The following NRG3 variants were observed in gnomAD, a reference collection of about 807,000 sequenced individuals.
NRG3 encodes the protein pro-neuregulin-3, membrane-bound isoform.
A neutral mutation model predicts 66.9 loss-of-function variants in NRG3; 31 were observed. The observed-to-expected ratio is 0.46, with a 90% CI of 0.35 to 0.63. NRG3 has a LOEUF of 0.63. NRG3 is among the 20% of genes least tolerant of loss of function. NRG3 has a pLI of 0.00. For missense variants in NRG3, 910 were observed against 878.9 expected, an observed-to-expected ratio of 1.04 and a Z score of -0.45; for synonymous variants, 393 against 359.4, an observed-to-expected ratio of 1.09 and a Z score of -1.06.
intron 1 of NRG3, among the ~76,000 whole-genome samples, chr10:82,180,310 G>T (rs2073327467): frequency 6.6e-6 from 1 of 151,778 alleles, no homozygotes; most frequent in African/African-American, 2.4e-5. Context: ...TGACATCCTT[G>T]CCTCGTTCCT....
At chr10:81,997,267 C>T (rs75355847) in intron 1 of NRG3, among the ~76,000 whole-genome samples, 1 of 152,180 alleles carries the variant, frequency 6.6e-6, no homozygotes, top group Non-Finnish European at 1.5e-5. Flanking sequence ...GTGCTTTGGC[C>T]TCCAGCTAAG....
chr10:81,927,011 C>T (rs1297193312), intron 1 of NRG3, among the ~76,000 whole-genome samples: 1 of 152,156 alleles, frequency 6.6e-6, no homozygotes, highest in Admixed American at 6.5e-5. Context: ...AATGTAATGA[C>T]TTAAAAATAA....
At chr10:82,628,627 G>A (rs763995153) in intron 2 of NRG3, among the ~76,000 whole-genome samples, 6 of 151,840 alleles carry the variant, frequency 4.0e-5, no homozygotes, top group Non-Finnish European at 7.4e-5. Flanking sequence ...AAAAAAAAAA[G>A]CGGTTCCACA....
chr10:82,908,971 G>A (rs1048301213), intron 4 of NRG3, among the ~76,000 whole-genome samples: 9 of 152,090 alleles, frequency 5.9e-5, no homozygotes, highest in African/African-American at 2.2e-4. Context: ...GAGGTAGTGT[G>A]GTGAGTAGAC....
intron 4 of NRG3, among the ~76,000 whole-genome samples, chr10:82,914,491 G>GTTTA (rs1845643312): frequency 1.3e-5 from 2 of 152,052 alleles, no homozygotes; most frequent in Non-Finnish European, 2.9e-5. Context: ...TGTAGTTACA[G>GTTTA]GTGTCAGAGG....
chr10:82,071,490 C>T (rs548719813), intron 1 of NRG3, among the ~76,000 whole-genome samples: 4 of 152,108 alleles, frequency 2.6e-5, no homozygotes, highest in African/African-American at 4.8e-5. Context: ...AGAGGAAGGG[C>T]GCAATGGAAG....
chr10:82,936,986 TA>T (rs1848134357), intron 4 of NRG3, among the ~76,000 whole-genome samples: 1 of 152,192 alleles, frequency 6.6e-6, no homozygotes, highest in Non-Finnish European at 1.5e-5. Context: ...CTGATATTTA[TA>T]AAAGAGATTA....
intron 4 of NRG3, among the ~76,000 whole-genome samples, chr10:82,910,194 T>A (rs1309620627): frequency 6.6e-6 from 1 of 152,228 alleles, no homozygotes; most frequent in Non-Finnish European, 1.5e-5. Context: ...TAAAGACTTG[T>A]GATAAATCAT....
chr10:82,637,875 C>T (rs375947648), intron 2 of NRG3, among the ~76,000 whole-genome samples: 9 of 151,558 alleles, frequency 5.9e-5, no homozygotes, highest in Non-Finnish European at 1.2e-4. Flanking sequence ...GATAGCAATG[C>T]GGTAAAGTTA....
At chr10:82,227,576 A>G (rs1170007479) in intron 1 of NRG3, among the ~76,000 whole-genome samples, 2 of 152,160 alleles carry the variant, frequency 1.3e-5, no homozygotes, top group African/African-American at 4.8e-5. Flanking sequence ...TGATGATTCC[A>G]TCTGAATATT....
chr10:82,204,505 G>C (rs367832950), intron 1 of NRG3, among the ~76,000 whole-genome samples: 2 of 152,192 alleles, frequency 1.3e-5, no homozygotes, highest in South Asian at 4.1e-4. Context: ...TATTTCTGCA[G>C]TGTTTCCTTT....
At chr10:82,473,318 A>T (rs1201812619) in intron 2 of NRG3, among the ~76,000 whole-genome samples, 1 of 152,200 alleles carries the variant, frequency 6.6e-6, no homozygotes, top group Non-Finnish European at 1.5e-5. Context: ...TAAAGTAAGG[A>T]AGAAATAAAT....
At chr10:82,564,636 C>G (rs1324337705) in intron 2 of NRG3, among the ~76,000 whole-genome samples, 2 of 152,094 alleles carry the variant, frequency 1.3e-5, no homozygotes, top group African/African-American at 4.8e-5. Context: ...CTCTAACACT[C>G]TATCTTGTTG....
intron 2 of NRG3, among the ~76,000 whole-genome samples, chr10:82,504,216 G>A (rs949622049): frequency 2.6e-5 from 4 of 152,098 alleles, no homozygotes; most frequent in African/African-American, 9.7e-5. Flanking sequence ...CCTTCTAATG[G>A]GGCACTCATT....
At chr10:82,501,215 A>C (rs1564996548) in intron 2 of NRG3, among the ~76,000 whole-genome samples, 1 of 152,124 alleles carries the variant, frequency 6.6e-6, no homozygotes, top group Non-Finnish European at 1.5e-5. Flanking sequence ...AAATCTAAGC[A>C]CGGCCAAGTA....
At chr10:82,788,579 A>T (rs2060463578) in intron 3 of NRG3, among the ~76,000 whole-genome samples, 2 of 152,170 alleles carry the variant, frequency 1.3e-5, no homozygotes, top group African/African-American at 4.8e-5. Flanking sequence ...CAAAAAAATT[A>T]AAAAATGAAG....
At chr10:82,371,306 G>T (rs1347856955) in intron 2 of NRG3, among the ~76,000 whole-genome samples, 1 of 152,140 alleles carries the variant, frequency 6.6e-6, no homozygotes, top group Non-Finnish European at 1.5e-5. Flanking sequence ...TAAAAAAGAT[G>T]AGAGCATTAC....
chr10:82,216,509 C>T (rs1249342246), intron 1 of NRG3, among the ~76,000 whole-genome samples: 3 of 143,572 alleles, frequency 2.1e-5, no homozygotes, highest in Admixed American at 6.9e-5. Flanking sequence ...TACATATACA[C>T]ACACATATAT....
chr10:82,375,926 AC>A (rs1170327878), intron 2 of NRG3, among the ~76,000 whole-genome samples: 1 of 152,232 alleles, frequency 6.6e-6, no homozygotes, highest in Non-Finnish European at 1.5e-5. Flanking sequence ...TCCTGAGAAA[AC>A]ATAGCTGTTC....
Sources: gnomAD v4.1 joint callset for allele counts (sites outside exome capture counted in the v4.1 genomes callset) on GRCh38, gnomAD v4.1.1 for gene constraint, MANE v1.5 for transcripts, NCBI Gene and HGNC (gene_info 2026-07-23, HGNC 2026-07-21) for gene names.